The following DIAPH2 variants were observed in gnomAD, a reference collection of about 807,000 sequenced individuals.
The protein encoded by DIAPH2 is protein diaphanous homolog 2.
A neutral mutation model predicts 92.7 loss-of-function variants in DIAPH2; 35 were observed. The observed-to-expected ratio is 0.38, with a 90% CI of 0.29 to 0.50. The LOEUF (loss-of-function observed/expected upper bound fraction) is 0.50. DIAPH2 is among the 20% of genes least tolerant of loss of function. The pLI, the probability that DIAPH2 is intolerant of heterozygous loss-of-function variation, is 0.94. For missense variants in DIAPH2, 701 were observed against 819.5 expected (o/e 0.86, Z 1.77); for synonymous variants, 301 against 280.4 (o/e 1.07, Z -0.73).
intron 4 of DIAPH2, among the ~76,000 whole-genome samples, chrX:96,788,191 G>T (rs2064472916): frequency 9.0e-6 from 1 of 111,593 alleles, no homozygotes. Flanking sequence ...ATAATTCTTA[G>T]CTCCTTCTCA....
intron 1 of DIAPH2, among the ~76,000 whole-genome samples, chrX:96,690,494 A>G (rs1052445452): frequency 2.7e-5 from 3 of 111,870 alleles, no homozygotes; most frequent in Non-Finnish European, 5.6e-5. Flanking sequence ...TACTTGAATC[A>G]AATATGATTA....
chrX:97,000,439 A>G (rs2066135793), intron 17 of DIAPH2, among the ~76,000 whole-genome samples: 1 of 111,743 alleles, frequency 8.9e-6, no homozygotes, highest in Non-Finnish European at 1.9e-5. Context: ...ATCTCTCTTG[A>G]TTCTTAATTT....
intron 23 of DIAPH2, among the ~76,000 whole-genome samples, chrX:97,275,311 G>T (rs774993003): frequency 4.4e-5 from 1 of 22,840 alleles, no homozygotes; most frequent in African/African-American, 1.6e-4. Context: ...CGGCTGGCCC[G>T]GCGGGGGCTG....
chrX:97,264,996 CA>C (rs958512327), intron 23 of DIAPH2, among the ~76,000 whole-genome samples: 1 of 110,217 alleles, frequency 9.1e-6, no homozygotes, highest in African/African-American at 3.3e-5. Context: ...AAAACAACAA[CA>C]AAAAAAAGAC....
chrX:97,603,976 T>C lies in DIAPH2; in HGVS notation c.*4659T>C, dbSNP rs1220745244. Reference sequence around the variant, plus strand: ...TCCGTCCCAGTTCCACAATCTGCATTAGATTCCCATGGCTGCTGTAACAAA... The same window carrying C: ...TCCGTCCCAGTTCCACAATCTGCATCAGATTCCCATGGCTGCTGTAACAAA... On this transcript the variant is annotated 3_prime_UTR_variant, in exon 27 of 27. Coordinates refer to ENST00000324765, the MANE Select transcript of DIAPH2 (RefSeq NM_006729.5). The C allele has an allele frequency of 5.3e-5, 6 of 112,580 alleles. No homozygotes were observed. Among genetic ancestry groups the C allele is most frequent in the African/African-American group, 1.6e-4 (5 of 30,940 alleles). 9.3% of individuals were successfully genotyped at this position (112,580 alleles called of 1,213,427 possible). A position where few individuals can be genotyped will look rare whatever the true frequency, so the allele number is the denominator to read the frequency against.
intron 24 of DIAPH2, among the ~76,000 whole-genome samples, chrX:97,368,388 A>G (rs1427101323): frequency 1.8e-5 from 2 of 112,011 alleles, no homozygotes; most frequent in African/African-American, 6.5e-5. Flanking sequence ...TTTATTCTTC[A>G]TCGGACATCA....
chrX:97,257,321 A>G (rs143587258), intron 23 of DIAPH2, among the ~76,000 whole-genome samples: 1,737 of 111,531 alleles, frequency 0.016, 44 homozygotes, highest in African/African-American at 0.054. Context: ...TGAAAAATTT[A>G]AAAAGGCCGT....
chrX:97,541,785 C>T (rs930160138), intron 26 of DIAPH2, among the ~76,000 whole-genome samples: 1 of 112,185 alleles, frequency 8.9e-6, no homozygotes, highest in African/African-American at 3.2e-5. Flanking sequence ...TTTCTAGAAT[C>T]TTTTTTCCTT....
At chrX:96,826,277 C>A (rs75302088) in intron 4 of DIAPH2, among the ~76,000 whole-genome samples, 22 of 109,953 alleles carry the variant, frequency 2.0e-4, no homozygotes, top group African/African-American at 7.3e-4. Context: ...ATTAGCCAGG[C>A]GTGGTGGTGC....
chrX:97,293,474 G>A (rs1433746624), intron 23 of DIAPH2, among the ~76,000 whole-genome samples: 3 of 109,824 alleles, frequency 2.7e-5, no homozygotes, highest in East Asian at 2.9e-4. Context: ...GATGGTCTCT[G>A]TCTCCTGACC....
intron 16 of DIAPH2, among the ~76,000 whole-genome samples, chrX:96,962,340 TATATATATATACACATATATATATACAC>T (rs2065859294): frequency 5.1e-5 from 2 of 39,557 alleles, no homozygotes; most frequent in African/African-American, 9.9e-5. Context: ...TATATATACA[TATATATATATACACATATATATATACAC>T]ATATATATAT....
rs941569325 is a variant in DIAPH2, at chrX:97,343,820, A to T, written c.2845-4296A>T. 3.6e-5 allele frequency among the ~76,000 whole-genome samples: 4 copies of T among 111,680 alleles called. No individual in the cohort carries two copies. In the South Asian group the frequency reaches 1.1e-3, roughly 32 times the overall value. On this transcript the variant is annotated intron_variant, in intron 23 of 26. Transcript: ENST00000324765. ...ATGTGTCATATGCTGCTGAGACCTA[A>T]AAAGAAAAATAAAGGAGTTAATATT...
chrX:96,737,133 T>C (rs191226085), intron 2 of DIAPH2, among the ~76,000 whole-genome samples: 1 of 111,707 alleles, frequency 9.0e-6, no homozygotes, highest in Admixed American at 9.5e-5. Context: ...GGCTGTTGGA[T>C]TTAGGAAAAT....
chrX:96,801,609 T>C (rs779226270), intron 4 of DIAPH2, among the ~76,000 whole-genome samples: 1 of 111,633 alleles, frequency 9.0e-6, no homozygotes, highest in Non-Finnish European at 1.9e-5. Context: ...TTGAGTGATA[T>C]AAGCATTTAG....
In DIAPH2 at chrX:97,540,310, T is replaced by A. The variant is rs766586719; in HGVS notation, c.3242-58943T>A. 2.7e-5 allele frequency among the ~76,000 whole-genome samples: 3 copies of A among 111,698 alleles called. No individual in the cohort carries two copies. The East Asian group carries it at 8.4e-4, about 31-fold the overall frequency. On this transcript the variant is annotated intron_variant, in intron 26 of 26. Transcript: ENST00000324765. The stretch of plus-strand genomic sequence containing the variant: ...TATTGTTTTGTTTACCTTTGTCTGG[T>A]TTCCCTTCCCACCCCCATGCACGTG...
At chrX:97,029,354 C>T (rs1041080139) in intron 17 of DIAPH2, among the ~76,000 whole-genome samples, 25 of 109,670 alleles carry the variant, frequency 2.3e-4, no homozygotes, top group African/African-American at 8.3e-4. Context: ...TACCATGTTG[C>T]CCAGGCTGGT....
chrX:97,539,284 G>T (rs1010998852), intron 26 of DIAPH2, among the ~76,000 whole-genome samples: 11 of 111,006 alleles, frequency 9.9e-5, no homozygotes, highest in African/African-American at 3.6e-4. Context: ...TTTCAATTAT[G>T]ATTAGAGTAG....
chrX:97,173,088 A>G (rs893249108), intron 22 of DIAPH2, among the ~76,000 whole-genome samples: 2 of 112,724 alleles, frequency 1.8e-5, no homozygotes, highest in African/African-American at 6.4e-5. Flanking sequence ...CCAAGATTCT[A>G]CTACAGTGCT....
chrX:97,546,630 G>A (rs2071183189), intron 26 of DIAPH2, among the ~76,000 whole-genome samples: 2 of 111,660 alleles, frequency 1.8e-5, no homozygotes, highest in Admixed American at 9.5e-5. Context: ...GAGGTCAGGG[G>A]TTCAAGACCA....
Sources: gnomAD v4.1 joint callset for allele counts (sites outside exome capture counted in the v4.1 genomes callset) on GRCh38, gnomAD v4.1.1 for gene constraint, MANE v1.5 for transcripts, NCBI Gene and HGNC (gene_info 2026-07-23, HGNC 2026-07-21) for gene names.